The following DNAH10 variants were observed in gnomAD, a reference collection of about 807,000 sequenced individuals.
The protein encoded by DNAH10 is axonemal beta dynein heavy chain 10.
DNAH10 carries 348 observed loss-of-function variants against 506.6 expected under a neutral mutation model. The ratio of observed to expected loss-of-function variants is 0.69; its 90% confidence interval spans 0.63 to 0.75. DNAH10 has a LOEUF of 0.75. DNAH10 is among the 30% of genes least tolerant of loss of function. The probability of loss-of-function intolerance (pLI) is 0.00; values close to 1 mark genes in which losing one functional copy is unlikely to be tolerated. For missense variants in DNAH10, 5,179 were observed against 5,787.1 expected (o/e 0.89, Z 3.41); for synonymous variants, 2,059 against 2,198.6 (o/e 0.94, Z 1.78).
chr12:123,846,384 C>T lies in DNAH10; in HGVS notation c.5814+230C>T, dbSNP rs1006542399. Among the ~76,000 whole-genome samples, 2 of 152,106 alleles carry T rather than the reference C, an allele frequency of 1.3e-5. No individual in the cohort carries two copies. The highest frequency in any genetic ancestry group is 4.8e-5 in the African/African-American group (2 of 41,402). The stretch of plus-strand genomic sequence containing the variant: ...CACTGGTCCCTAGGTAATGGTGTGT[C>T]AGGGGTATTGGTAGAGGCCAATGCG... On this transcript the variant is annotated intron_variant, in intron 32 of 78. Coordinates refer to ENST00000673944, the MANE Select transcript of DNAH10 (RefSeq NM_001372106.1). The surrounding 1 kb of genome is among the most constrained non-coding windows in gnomAD (Gnocchi z 4.5).
Position 123,929,470 on chromosome 12 carries a change from G to A in DNAH10, c.12502G>A (p.Glu4168Lys). The A allele has an allele frequency of 6.2e-7, 1 of 1,613,254 alleles. No individual in the cohort carries two copies. Among genetic ancestry groups the A allele is most frequent in the South Asian group, 1.1e-5 (1 of 90,728 alleles). ...CTGGAACGTGTACTATGACTTCAATGAGTCTGACTTCCAGGTGACAGTGGC... is the reference window on the plus strand; with the variant it reads ...CTGGAACGTGTACTATGACTTCAATAAGTCTGACTTCCAGGTGACAGTGGC... ...IGWNVYYDFN[E>K]SDFQVCMEIL... Residue 4168 changes from glutamate to lysine, a missense_variant, in exon 71 of 79, where the codon GAG (glutamate) becomes AAG (lysine). This residue lies in a region of DNAH10 where 4,844 missense variants were observed against 5,430.5 expected (regional missense o/e 0.89). Transcript: ENST00000673944.
At chr12:123,822,993 C>A (rs1275608120) in intron 24 of DNAH10, among the ~76,000 whole-genome samples, 1 of 152,228 alleles carries the variant, frequency 6.6e-6, no homozygotes, top group Non-Finnish European at 1.5e-5. Context: ...CAGGATTCAC[C>A]TTTGCACCGA....
Position 123,847,998 on chromosome 12 carries a change from C to G in DNAH10, c.5852C>G (p.Pro1951Arg). Residue 1951 changes from proline (P) to arginine (R), a missense_variant, in exon 33 of 79, where the codon CCA (proline) becomes CGA (arginine). Pro to Arg is a moderately radical substitution (Grantham distance 103, BLOSUM62 -2). Transcript: ENST00000673944. ...TATCTAGGTGGGGCCCCCGCCGGCC[C>G]AGCAGGAACCGGCAAAACCGAGACC... ...SMYLGGAPAG[P>R]AGTGKTETTK... 1 of 1,613,872 alleles carries G rather than the reference C, an allele frequency of 6.2e-7. No individual in the cohort carries two copies. Among genetic ancestry groups the G allele is most frequent in the Non-Finnish European group, 8.5e-7 (1 of 1,179,824 alleles).
intron 11 of DNAH10, among the ~76,000 whole-genome samples, chr12:123,792,468 T>A (rs546832412): frequency 2.9e-5 from 1 of 34,938 alleles, no homozygotes. Context: ...TTTTTTTTTT[T>A]TTTTTTTTGA....
At position 123,833,319 on chromosome 12, in the gene DNAH10, C is replaced by A. The variant is rs114277040; in HGVS notation, c.4751C>A (p.Thr1584Lys). 1.9e-6 allele frequency: 3 copies of A among 1,612,804 alleles called. No individual in the cohort carries two copies. The highest frequency in any genetic ancestry group is 2.2e-5 in the East Asian group (1 of 44,884). ...CAAACTGTTCACAAATGGGAAAAAA[C>A]GCTTTCTCTAATAGGGGAAGTCATT... Reference protein sequence around the residue: ...FLQTVHKWEKTLSLIGEVIEI... With the variant: ...FLQTVHKWEKKLSLIGEVIEI... Residue 1584 changes from threonine to lysine, a missense_variant, in exon 27 of 79, where the codon ACG becomes AAG. This residue lies in a region of DNAH10 where 4,844 missense variants were observed against 5,430.5 expected (regional missense o/e 0.89). Coordinates refer to ENST00000673944, the MANE Select transcript of DNAH10 (RefSeq NM_001372106.1).
intron 39 of DNAH10, among the ~76,000 whole-genome samples, chr12:123,864,269 C>T (rs926724296): frequency 1.5e-4 from 22 of 151,388 alleles, no homozygotes; most frequent in Admixed American, 3.3e-4. Flanking sequence ...CCTCAGCCTC[C>T]TGAGTAGCTG....
At position 123,794,074 on chromosome 12, in the gene DNAH10, A is replaced by G. The variant is rs1347984125; in HGVS notation, c.1948A>G (p.Met650Val). 3 of 1,282,010 alleles carry G rather than the reference A, an allele frequency of 2.3e-6. No individual in the cohort carries two copies. The highest frequency in any genetic ancestry group is 3.0e-6 in the Non-Finnish European group (3 of 984,688). The allele number at this position is 1,282,010 out of a possible 1,614,324, so 79.4% of individuals were successfully genotyped here. ...SREAVNRQMM[M>V]KFNDILAQYC... ...GGAGGCTGTTAATCGACAAATGATG[A>G]TGAAATTTAATGATATTCTTGCACA... Residue 650 changes from methionine (M) to valine (V), a missense_variant, in exon 12 of 79, where the codon ATG becomes GTG. Coordinates refer to ENST00000673944, the MANE Select transcript of DNAH10 (RefSeq NM_001372106.1).
intron 38 of DNAH10, among the ~76,000 whole-genome samples, chr12:123,859,811 A>T (rs1951546685): frequency 6.6e-6 from 1 of 152,084 alleles, no homozygotes; most frequent in South Asian, 2.1e-4. Context: ...GGGTGGGAGG[A>T]TCCCATAGTC....
At chr12:123,812,323 T>C (rs914699389) in intron 19 of DNAH10, among the ~76,000 whole-genome samples, 2 of 151,966 alleles carry the variant, frequency 1.3e-5, no homozygotes, top group East Asian at 3.9e-4. Context: ...TGGGGGTGGG[T>C]GCCTATAGTC....
intron 21 of DNAH10, among the ~76,000 whole-genome samples, chr12:123,818,085 A>G (rs1490048300): frequency 1.3e-5 from 2 of 151,762 alleles, no homozygotes; most frequent in Admixed American, 6.6e-5. Flanking sequence ...AGTAGCTGCA[A>G]TTATAGGCAT....
intron 1 of DNAH10, among the ~76,000 whole-genome samples, chr12:123,765,811 C>A (rs1405783668): frequency 6.6e-6 from 1 of 151,728 alleles, no homozygotes; most frequent in Non-Finnish European, 1.5e-5. Flanking sequence ...ATCTACCTAC[C>A]TACCTATACA....
Position 123,772,896 on chromosome 12 carries a change from G to A in DNAH10, c.459G>A (p.Glu153=), listed in dbSNP as rs1473158162. 1 of 1,613,066 alleles carries A rather than the reference G, an allele frequency of 6.2e-7. No individual in the cohort carries two copies. Among genetic ancestry groups the A allele is most frequent in the African/African-American group, 1.3e-5 (1 of 74,886 alleles). The change falls in exon 4 of 79, where the codon GAG becomes GAA. Residue 153 remains glutamate (E), a synonymous_variant. Coordinates refer to ENST00000673944, the MANE Select transcript of DNAH10 (RefSeq NM_001372106.1). ...HLHMLCTPLP[E]EFLDQNVVFF... ...ACATGCTCTGTACCCCTCTTCCCGA[G>A]GAGTTCCTGGACCAAAACGTGGTGT...
At chr12:123,911,217 G>A (rs1312867055) in intron 59 of DNAH10, among the ~76,000 whole-genome samples, 1 of 121,352 alleles carries the variant, frequency 8.2e-6, no homozygotes, top group Non-Finnish European at 1.7e-5. Context: ...GTTTCTCTAG[G>A]GTCAAAGCAG....
chr12:123,873,705 C>G lies in DNAH10; in HGVS notation c.7933C>G (p.Pro2645Ala), dbSNP rs1449790791. The change falls in exon 46 of 79, where the codon CCA becomes GCA. Residue 2645 changes from proline (P) to alanine (A), a missense_variant. Around this residue, in one of 3 missense-constraint regions of DNAH10, gnomAD observed 4,844 missense variants for 5,430.5 expected, o/e 0.89. Coordinates refer to ENST00000673944, the MANE Select transcript of DNAH10 (RefSeq NM_001372106.1). ...LLVFMDDMNMPRVDEYGTQQP... is the reference protein window; with the variant it reads ...LLVFMDDMNMARVDEYGTQQP... ...GGTGTTCATGGATGACATGAATATG[C>G]CAAGGGTAGTTTGACGCTCAAGCAG... is the stretch of plus-strand genomic sequence containing the variant. 4 of 1,607,378 alleles carry G rather than the reference C, an allele frequency of 2.5e-6. No individual in the cohort carries two copies. The highest frequency in any genetic ancestry group is 1.7e-5 in the Admixed American group (1 of 58,782).
intron 5 of DNAH10, 100 bp downstream of exon 5, chr12:123,774,364 G>A (rs1957362644): frequency 2.2e-6 from 2 of 897,100 alleles, no homozygotes; most frequent in African/African-American, 1.7e-5. Context: ...TCTGTCTCAG[G>A]TGCTGTTATG....
chr12:123,846,083 G>A lies in DNAH10; in HGVS notation c.5743G>A (p.Glu1915Lys), dbSNP rs756661370. The change falls in exon 32 of 79, where the codon GAG becomes AAG. Residue 1915 changes from glutamate to lysine, a missense_variant. Coordinates refer to ENST00000673944, the MANE Select transcript of DNAH10 (RefSeq NM_001372106.1). This position sits in a 1 kb window ranked among gnomAD's most constrained non-coding sequence, Gnocchi z 4.5. The stretch of plus-strand genomic sequence containing the variant: ...CACGGGAACCTTTGGCTACGGCTAC[G>A]AGTACATGGGCCTGAACGGCAGGCT... ...QCTGTFGYGY[E>K]YMGLNGRLVI... 3.1e-6 allele frequency: 5 copies of A among 1,613,992 alleles called. No homozygotes were observed. In the Admixed American group the frequency reaches 5.0e-5, roughly 16 times the overall value.
At chr12:123,896,534 G>C (rs1386809441) in intron 54 of DNAH10, among the ~76,000 whole-genome samples, 1 of 152,102 alleles carries the variant, frequency 6.6e-6, no homozygotes, top group Non-Finnish European at 1.5e-5. Context: ...GTCATCCAGC[G>C]GTGGGTAACC....
chr12:123,789,966 A>C lies in DNAH10; in HGVS notation c.1660A>C (p.Lys554Gln). 6.2e-7 allele frequency: 1 copy of C among 1,614,070 alleles called. No individual in the cohort carries two copies. Among genetic ancestry groups the C allele is most frequent in the South Asian group, 1.1e-5 (1 of 91,046 alleles). Reference protein sequence around the residue: ...EFYNIFGPELKAVTGDPKRID... With the variant: ...EFYNIFGPELQAVTGDPKRID... ...TTATAACATATTTGGTCCAGAACTA[A>C]AGGCAGTGACGGGGGACCCCAAGCG... Residue 554 changes from lysine to glutamine, a missense_variant, in exon 11 of 79, where the codon AAG becomes CAG. Transcript: ENST00000673944.
chr12:123,801,670 A>G (rs61143657), intron 16 of DNAH10, among the ~76,000 whole-genome samples: 11,827 of 152,178 alleles, frequency 0.078, 710 homozygotes, highest in African/African-American at 0.18. Flanking sequence ...CCAAAAGAAA[A>G]TCACCTTTAC....
Sources: allele counts gnomAD v4.1 joint callset (sites outside exome capture counted in the v4.1 genomes callset), GRCh38; gene constraint gnomAD v4.1.1; regional missense constraint gnomAD v4.1.1; non-coding constraint Gnocchi (gnomAD v3.1); transcripts MANE v1.5; gene names NCBI Gene and HGNC (gene_info 2026-07-23, HGNC 2026-07-21).